Variants in MED12L observed in about 807,000 individuals in gnomAD.
The protein encoded by MED12L is mediator complex subunit 12L, also known as mediator of RNA polymerase II transcription subunit 12-like protein.
In MED12L, 60 loss-of-function variants were observed where a neutral mutation model predicts 281.3. That is an observed-to-expected ratio of 0.21 (90% CI 0.17 to 0.26). The LOEUF is 0.26. Among genes scored for constraint, MED12L ranks in the 10% least tolerant of loss-of-function variants. The probability of loss-of-function intolerance (pLI) is 1.00; values close to 1 mark genes in which losing one functional copy is unlikely to be tolerated. For synonymous variants in MED12L, 974 were observed against 987.2 expected (o/e 0.99, Z 0.25); for missense variants, 2,146 against 2,680.9 (o/e 0.80, Z 4.41).
intron 16 of MED12L, chr3:151,295,014 A>C: frequency 6.2e-7 from 1 of 1,613,716 alleles, no homozygotes; most frequent in South Asian, 1.1e-5. Context: ...TTGAGATAGA[A>C]TATGAAGCTG....
chr3:151,272,691 G>A (rs1741166439), intron 16 of MED12L, among the ~76,000 whole-genome samples: 1 of 152,210 alleles, frequency 6.6e-6, no homozygotes, highest in Non-Finnish European at 1.5e-5. Flanking sequence ...GTTGACAGAT[G>A]TGCAGGAGGT....
intron 16 of MED12L, among the ~76,000 whole-genome samples, chr3:151,211,428 C>T (rs1442767660): frequency 7.3e-6 from 1 of 137,310 alleles, no homozygotes; most frequent in African/African-American, 2.8e-5. Context: ...GTTAGATAAA[C>T]AATTATAGCA....
At chr3:151,285,571 T>C (rs1743378408) in intron 16 of MED12L, among the ~76,000 whole-genome samples, 1 of 151,870 alleles carries the variant, frequency 6.6e-6, no homozygotes, top group African/African-American at 2.4e-5. Context: ...TGACTACACA[T>C]TGGGTACATT....
intron 16 of MED12L, chr3:151,270,242 T>TGTGTGTGTGTGTGTGTGTGTGTGTGTGTG (rs1553764758): frequency 3.2e-5 from 5 of 155,074 alleles, no homozygotes; most frequent in Non-Finnish European, 6.9e-5. Flanking sequence ...TGTGTGTGTG[T>TGTGTGTGTGTGTGTGTGTGTGTGTGTGTG]TTTCTTTTGG....
In MED12L at chr3:151,434,805, A is replaced by G. The variant is rs1416929123; in HGVS notation, c.*2001A>G. On this transcript the variant is annotated 3_prime_UTR_variant, in exon 45 of 45. Coordinates refer to ENST00000687756, the MANE Select transcript of MED12L (RefSeq NM_001393769.1). ...TAATACTGTTTTAAGAATGAGTGTTATAATTGCATAGCATTTGTATGCACT... is the reference window on the plus strand; with the variant it reads ...TAATACTGTTTTAAGAATGAGTGTTGTAATTGCATAGCATTTGTATGCACT... 1 of 152,250 alleles carries G rather than the reference A, an allele frequency of 6.6e-6. No homozygotes were observed. Among genetic ancestry groups the G allele is most frequent in the East Asian group, 1.9e-4 (1 of 5,200 alleles). The allele number at this position is 152,250 out of a possible 1,614,324, so 9.4% of individuals were successfully genotyped here.
chr3:151,173,543 A>G (rs1721682963), intron 11 of MED12L, among the ~76,000 whole-genome samples: 1 of 152,236 alleles, frequency 6.6e-6, no homozygotes, highest in African/African-American at 2.4e-5. Context: ...GGAATAATCT[A>G]TTAATTTTTA....
intron 16 of MED12L, chr3:151,316,313 T>C (rs886064722): frequency 6.6e-6 from 1 of 152,140 alleles, no homozygotes; most frequent in African/African-American, 2.4e-5. Context: ...AAAGTAAATG[T>C]GGTTTAAAAA....
chr3:151,433,814 T>C lies in MED12L; in HGVS notation c.*1010T>C, dbSNP rs1324008766. 1 of 152,678 alleles carries C rather than the reference T, an allele frequency of 6.5e-6. No individual in the cohort carries two copies. Among genetic ancestry groups the C allele is most frequent in the East Asian group, 1.9e-4 (1 of 5,206 alleles). 9.5% of individuals were successfully genotyped at this position (152,678 alleles called of 1,614,324 possible). Reference sequence around the variant, plus strand: ...ATTTTGTATGGTAAGTATTTGCTCTTTTGAATTTAATTATTACTGTCAGTG... The same window carrying C: ...ATTTTGTATGGTAAGTATTTGCTCTCTTGAATTTAATTATTACTGTCAGTG... On this transcript the variant is annotated 3_prime_UTR_variant, in exon 45 of 45. Coordinates refer to ENST00000687756, the MANE Select transcript of MED12L (RefSeq NM_001393769.1).
intron 5 of MED12L, among the ~76,000 whole-genome samples, chr3:151,138,115 T>C (rs902091020): frequency 4.6e-5 from 7 of 152,126 alleles, no homozygotes; most frequent in African/African-American, 1.7e-4. Flanking sequence ...ACTTATATCT[T>C]CTTATTTCTT....
intron 2 of MED12L, among the ~76,000 whole-genome samples, chr3:151,113,227 T>TAAGAGCATGGATAAG (rs1457635585): frequency 6.6e-6 from 1 of 152,172 alleles, no homozygotes; most frequent in Admixed American, 6.5e-5. Flanking sequence ...ACCATGTGGA[T>TAAGAGCATGGATAAG]ACCAGGAAAA....
At chr3:151,199,455 G>C in intron 16 of MED12L, 1 of 1,315,916 alleles carries the variant, frequency 7.6e-7, no homozygotes, top group Non-Finnish European at 1.0e-6. Flanking sequence ...AAAGAAACAA[G>C]GAAAGGGAGG....
At chr3:151,409,175 A>G in intron 39 of MED12L, 68 bp from the exon 40 acceptor site, 2 of 1,244,324 alleles carry the variant, frequency 1.6e-6, no homozygotes, top group Non-Finnish European at 2.3e-6. Context: ...TATTTGGATT[A>G]TTAACCAGAA....
chr3:151,128,709 C>T (rs1714911030), intron 5 of MED12L, among the ~76,000 whole-genome samples: 1 of 152,164 alleles, frequency 6.6e-6, no homozygotes, highest in Non-Finnish European at 1.5e-5. Context: ...AATTGCATTC[C>T]CTCTCTTTCT....
At chr3:151,103,777 T>G (rs1721672013) in intron 2 of MED12L, among the ~76,000 whole-genome samples, 1 of 152,162 alleles carries the variant, frequency 6.6e-6, no homozygotes, top group African/African-American at 2.4e-5. Context: ...AGTTTAAGTT[T>G]GTTGGAATCA....
At chr3:151,367,326 C>T (rs1229688773) in intron 23 of MED12L, among the ~76,000 whole-genome samples, 5 of 152,124 alleles carry the variant, frequency 3.3e-5, no homozygotes, top group Admixed American at 3.3e-4. Context: ...TTGCAGTCTG[C>T]CAAAATGTTT....
At chr3:151,245,747 A>G (rs1208766444) in intron 16 of MED12L, among the ~76,000 whole-genome samples, 4 of 117,214 alleles carry the variant, frequency 3.4e-5, no homozygotes, top group African/African-American at 9.7e-5. Context: ...CCTATTCAAC[A>G]TAGTGTTGGA....
chr3:151,234,366 T>A (rs1018914219), intron 16 of MED12L, among the ~76,000 whole-genome samples: 10 of 152,228 alleles, frequency 6.6e-5, no homozygotes, highest in Non-Finnish European at 1.3e-4. Flanking sequence ...AAATTGTCTG[T>A]CTAGGTATTG....
intron 16 of MED12L, among the ~76,000 whole-genome samples, chr3:151,342,390 T>G (rs1751974132): frequency 6.6e-6 from 1 of 152,346 alleles, no homozygotes; most frequent in African/African-American, 2.4e-5. Context: ...GTTTTGAGTA[T>G]TTGTCTATGT....
intron 16 of MED12L, among the ~76,000 whole-genome samples, chr3:151,342,903 A>G (rs1250645108): frequency 1.3e-5 from 2 of 152,156 alleles, no homozygotes; most frequent in African/African-American, 4.8e-5. Context: ...AATAATCTCA[A>G]CTATTCTCTG....
Sources: gnomAD v4.1 joint callset for allele counts (sites outside exome capture counted in the v4.1 genomes callset) on GRCh38, gnomAD v4.1.1 for gene constraint, MANE v1.5 for transcripts, NCBI Gene and HGNC (gene_info 2026-07-23, HGNC 2026-07-21) for gene names.